The following CDC42BPB variants were observed in gnomAD, a reference collection of about 807,000 sequenced individuals.
CDC42BPB encodes CDC42 binding protein kinase beta.
In CDC42BPB, 37 loss-of-function variants were observed where a neutral mutation model predicts 214.9. The ratio of observed to expected loss-of-function variants is 0.17; its 90% confidence interval spans 0.13 to 0.23. The LOEUF is 0.23. CDC42BPB is among the 10% of genes least tolerant of loss of function. CDC42BPB has a pLI of 1.00. For synonymous variants in CDC42BPB, 931 were observed against 884.0 expected, an observed-to-expected ratio of 1.05 and a Z score of -0.94; for missense variants, 1,694 against 2,227.0, an observed-to-expected ratio of 0.76 and a Z score of 4.82.
intron 1 of CDC42BPB, among the ~76,000 whole-genome samples, chr14:103,026,776 G>A (rs1267303246): frequency 2.0e-5 from 3 of 152,158 alleles, no homozygotes; most frequent in Non-Finnish European, 2.9e-5. Flanking sequence ...GCTGAGGCAG[G>A]AGAATGGCGT....
intron 28 of CDC42BPB, among the ~76,000 whole-genome samples, chr14:102,946,132 C>T (rs1322480366): frequency 6.6e-6 from 1 of 152,174 alleles, no homozygotes; most frequent in East Asian, 1.9e-4. Flanking sequence ...CCTCAGTCTC[C>T]CAAGTAGCTG....
chr14:103,021,944 C>T (rs1262809548), intron 1 of CDC42BPB, among the ~76,000 whole-genome samples: 2 of 152,110 alleles, frequency 1.3e-5, no homozygotes, highest in Non-Finnish European at 2.9e-5. Context: ...AGCACTAGGA[C>T]GCTGGAGTTG....
In CDC42BPB at chr14:102,947,748, T is replaced by C. The variant is rs1243828995; in HGVS notation, c.3504A>G (p.Thr1168=). 1.2e-6 allele frequency: 2 copies of C among 1,612,352 alleles called. No homozygotes were observed. The highest frequency in any genetic ancestry group is 1.7e-5 in the Admixed American group (1 of 60,000). ...SVLASDVIHA[T]RRDIPCIFRV... ...TGAATATACATGGAATATCTCGGCG[T>C]GTAGCATGAATGACATCTGAGGCCA... The change falls in exon 27 of 37, where the codon ACA becomes ACG. Residue 1168 remains threonine (T), a synonymous_variant. Transcript: ENST00000361246.
chr14:102,967,009 A>G, intron 17 of CDC42BPB, 37 bp downstream of exon 17: 2 of 1,603,052 alleles, frequency 1.2e-6, no homozygotes, highest in Non-Finnish European at 1.7e-6. Context: ...CTGAGCAGGG[A>G]GCGGATTCAC....
At position 102,944,923 on chromosome 14, in the gene CDC42BPB, CCT is replaced by C. The variant is rs1296199954; in HGVS notation, c.3812-438_3812-437del. ...AGAGCTGTCCCCAACCCACTGGGAC[CCT>C]GAGACAAATCCTCTGAAGACGCTGC... is the stretch of plus-strand genomic sequence containing the variant. On this transcript the variant is annotated intron_variant, in intron 29 of 36. Coordinates refer to ENST00000361246, the MANE Select transcript of CDC42BPB (RefSeq NM_006035.4). This position sits in a 1 kb window ranked among gnomAD's most constrained non-coding sequence, Gnocchi z 6.6. 1.1e-4 allele frequency among the ~76,000 whole-genome samples: 17 copies of C among 152,218 alleles called. 1 individual carries two copies. The highest frequency in any genetic ancestry group is 3.6e-4 in the African/African-American group (15 of 41,458).
chr14:103,053,733 G>C (rs1289929195), intron 1 of CDC42BPB, among the ~76,000 whole-genome samples: 1 of 149,960 alleles, frequency 6.7e-6, no homozygotes, highest in African/African-American at 2.5e-5. Context: ...CTGCACTCCA[G>C]CCTGGGCGAC....
In CDC42BPB at chr14:102,980,768, C is replaced by T; in HGVS notation, c.1140+5G>A. ...CAACCCTGAGAACGGTGCTTTCACA[C>T]TCACCGTGTTTCTCAGCACGTCGTC... is the stretch of plus-strand genomic sequence containing the variant. On this transcript the variant is annotated splice_donor_5th_base_variant and intron_variant, in intron 8 of 36. Transcript: ENST00000361246. 1 of 1,613,738 alleles carries T rather than the reference C, an allele frequency of 6.2e-7. No individual in the cohort carries two copies. Among genetic ancestry groups the T allele is most frequent in the Non-Finnish European group, 8.5e-7 (1 of 1,179,634 alleles).
At chr14:103,056,673 G>A (rs948492740) in intron 1 of CDC42BPB, among the ~76,000 whole-genome samples, 3 of 151,748 alleles carry the variant, frequency 2.0e-5, no homozygotes, top group Admixed American at 2.0e-4. Context: ...GGGCCCGGCG[G>A]GGGGGAGGGG....
chr14:102,940,323 A>G lies in CDC42BPB; in HGVS notation c.4410T>C (p.Ser1470=). ...ACACCGTGACGTGGGTGGGGCTGCA[A>G]CCTAGCGCAGACGGAGCAGGGCGGG... The part of the protein sequence containing the change: ...LMWPAAPVAC[S]CSPTHVTVYS... Residue 1470 remains serine, a splice_region_variant and synonymous_variant, in exon 31 of 37, where the codon AGT becomes AGC. Coordinates refer to ENST00000361246, the MANE Select transcript of CDC42BPB (RefSeq NM_006035.4). 1 of 1,567,576 alleles carries G rather than the reference A, an allele frequency of 6.4e-7. No individual in the cohort carries two copies. Among genetic ancestry groups the G allele is most frequent in the East Asian group, 2.4e-5 (1 of 42,348 alleles).
In CDC42BPB at chr14:102,933,013, G is replaced by T. The variant is rs1223973863; in HGVS notation, c.*699C>A. The T allele has an allele frequency of 6.6e-6, 1 of 152,380 alleles. No homozygotes were observed. Among genetic ancestry groups the T allele is most frequent in the Non-Finnish European group, 1.5e-5 (1 of 68,052 alleles). The allele number at this position is 152,380 out of a possible 1,614,324, so 9.4% of individuals were successfully genotyped here. ...ACGACACTCGCTGGTTTTATGGCAG[G>T]AGGCAGAAGCCGTGGAAGCGAATGG... On this transcript the variant is annotated 3_prime_UTR_variant, in exon 37 of 37. Transcript: ENST00000361246.
Position 102,991,101 on chromosome 14 carries a change from A to G in CDC42BPB, c.597-4521T>C, listed in dbSNP as rs1894470120. ...GGAAGAGGATATTTGCATGGTCTTA[A>G]AAGTATCTCCCCACAGGGAAAAAAC... On this transcript the variant is annotated intron_variant, in intron 5 of 36. Transcript: ENST00000361246. 2.0e-5 allele frequency among the ~76,000 whole-genome samples: 3 copies of G among 152,084 alleles called. No individual in the cohort carries two copies. The South Asian group carries it at 6.2e-4, about 31-fold the overall frequency.
rs959025058 is a variant in CDC42BPB, at chr14:102,999,832, C to T, written c.448-119G>A. On this transcript the variant is annotated intron_variant, in intron 4 of 36. Transcript: ENST00000361246. ...GCTCCAGGTCTGGCTCGTGGCATCT[C>T]AGCTGCTCTTCTGTCACCCAAGACC... 20 of 1,496,896 alleles carry T rather than the reference C, an allele frequency of 1.3e-5. No individual in the cohort carries two copies. In the African/African-American group the frequency reaches 2.7e-4, roughly 20 times the overall value. 92.7% of individuals were successfully genotyped at this position (1,496,896 alleles called of 1,614,324 possible).
chr14:103,012,670 T>G (rs933986945), intron 1 of CDC42BPB, among the ~76,000 whole-genome samples: 2 of 152,082 alleles, frequency 1.3e-5, no homozygotes, highest in East Asian at 1.9e-4. Flanking sequence ...CCGGATGTTG[T>G]GGCGGGTGAC....
rs1422408332 is a variant in CDC42BPB at position 103,004,039 on chromosome 14, G to C, written c.352-16C>G. The C allele has an allele frequency of 2.5e-6, 4 of 1,588,666 alleles. No individual in the cohort carries two copies. The highest frequency in any genetic ancestry group is 3.4e-6 in the Non-Finnish European group (4 of 1,172,846). On this transcript the variant is annotated splice_polypyrimidine_tract_variant and intron_variant, in intron 3 of 36. Coordinates refer to ENST00000361246, the MANE Select transcript of CDC42BPB (RefSeq NM_006035.4). The surrounding 1 kb of genome is among the most constrained non-coding windows in gnomAD (Gnocchi z 5.3). ...AGCACGCGGTCTGCAAAGCAACGAG[G>C]GGTGTCAGTCTGTGTTCACTGGGAA... is the stretch of plus-strand genomic sequence containing the variant.
intron 17 of CDC42BPB, 82 bp downstream of exon 17, chr14:102,966,963 AG>A: frequency 2.0e-6 from 3 of 1,493,388 alleles, no homozygotes; most frequent in Non-Finnish European, 2.7e-6. Context: ...CGTGGAGCAC[AG>A]GATCAGGCAG....
chr14:102,968,447 A>T (rs997388584), intron 15 of CDC42BPB, 25 bp downstream of exon 15: 7 of 1,613,552 alleles, frequency 4.3e-6, no homozygotes, highest in African/African-American at 1.3e-5. Flanking sequence ...GCATCTTCTG[A>T]ACTGAGAAGC....
intron 25 of CDC42BPB, 152 bp downstream of exon 25, chr14:102,950,314 T>C: frequency 1.8e-6 from 2 of 1,102,002 alleles, no homozygotes; most frequent in Non-Finnish European, 2.6e-6. Flanking sequence ...GCCGACCTGA[T>C]GGCCTCAGTG....
intron 1 of CDC42BPB, among the ~76,000 whole-genome samples, chr14:103,053,286 G>A (rs1888713581): frequency 6.6e-6 from 1 of 152,038 alleles, no homozygotes; most frequent in Non-Finnish European, 1.5e-5. Flanking sequence ...GGCGGAGGTT[G>A]CAGTGAGCCA....
chr14:102,937,776 T>C (rs1370679230), intron 36 of CDC42BPB, among the ~76,000 whole-genome samples: 1 of 152,226 alleles, frequency 6.6e-6, no homozygotes, highest in East Asian at 1.9e-4. Context: ...AGACTGCTGA[T>C]GTATCACATT....
Sources: allele counts gnomAD v4.1 joint callset (sites outside exome capture counted in the v4.1 genomes callset), GRCh38; gene constraint gnomAD v4.1.1; non-coding constraint Gnocchi (gnomAD v3.1); transcripts MANE v1.5; gene names NCBI Gene and HGNC (gene_info 2026-07-23, HGNC 2026-07-21).